The following CHMP4B variants were observed in gnomAD, a reference collection of about 807,000 sequenced individuals.
CHMP4B encodes the protein charged multivesicular body protein 4B, also known as SNF7 homolog associated with Alix 1.
Under a neutral mutation model 25.1 loss-of-function variants are expected in CHMP4B, and 1 was observed. That is an observed-to-expected ratio of 0.04 (90% CI 0.01 to 0.19). CHMP4B has a LOEUF of 0.19. CHMP4B is among the 10% of genes least tolerant of loss of function. The pLI is 1.00. For missense variants in CHMP4B, 151 were observed against 289.7 expected (o/e 0.52, Z 3.48); for synonymous variants, 101 against 115.6 (o/e 0.87, Z 0.81).
chr20:33,823,079 C>G (rs183678164), intron 1 of CHMP4B, among the ~76,000 whole-genome samples: 1 of 151,936 alleles, frequency 6.6e-6, no homozygotes, highest in African/African-American at 2.4e-5. Context: ...TGAGCCACCG[C>G]GCCCGGCCCA....
At chr20:33,851,535 G>A (rs1345301628) in intron 3 of CHMP4B, among the ~76,000 whole-genome samples, 1 of 152,004 alleles carries the variant, frequency 6.6e-6, no homozygotes, top group Non-Finnish European at 1.5e-5. Flanking sequence ...AGTCTCTTAG[G>A]TTTTTAAAGT....
chr20:33,827,935 G>A (rs937572017), intron 1 of CHMP4B, among the ~76,000 whole-genome samples: 10 of 152,184 alleles, frequency 6.6e-5, no homozygotes, highest in African/African-American at 1.7e-4. Context: ...TTAGGATGGC[G>A]ATCGAAGAGA....
chr20:33,831,630 TC>T (rs1325623478), intron 1 of CHMP4B, among the ~76,000 whole-genome samples: 1 of 152,184 alleles, frequency 6.6e-6, no homozygotes, highest in Non-Finnish European at 1.5e-5. Context: ...TGCTTTGGCC[TC>T]CCAAGGTGCT....
chr20:33,846,757 G>A (rs1979700560), intron 1 of CHMP4B, among the ~76,000 whole-genome samples: 1 of 152,170 alleles, frequency 6.6e-6, no homozygotes, highest in South Asian at 2.1e-4. Context: ...GCAGGAGATG[G>A]CTGTGGTCCA....
At chr20:33,827,846 T>C (rs1979136250) in intron 1 of CHMP4B, among the ~76,000 whole-genome samples, 1 of 152,224 alleles carries the variant, frequency 6.6e-6, no homozygotes, top group Admixed American at 6.5e-5. Context: ...GGGATTTGTC[T>C]CCTGTGTGAG....
chr20:33,822,364 C>T (rs1167898158), intron 1 of CHMP4B, among the ~76,000 whole-genome samples: 2 of 152,132 alleles, frequency 1.3e-5, no homozygotes, highest in African/African-American at 2.4e-5. Flanking sequence ...AGGCTGGTCT[C>T]GAACTCCTGA....
intron 1 of CHMP4B, among the ~76,000 whole-genome samples, chr20:33,819,349 C>T (rs1668931399): frequency 1.3e-5 from 2 of 152,208 alleles, no homozygotes; most frequent in South Asian, 2.1e-4. Flanking sequence ...TGCTCTTTAG[C>T]CCTGATACTT....
chr20:33,853,344 C>T (rs1304101576), intron 4 of CHMP4B, 152 bp from the exon 5 acceptor site: 7 of 742,398 alleles, frequency 9.4e-6, no homozygotes, highest in Non-Finnish European at 1.7e-5. Context: ...CTTTTAGGCA[C>T]CAAGGAGCAG....
intron 1 of CHMP4B, among the ~76,000 whole-genome samples, chr20:33,824,843 G>A (rs988243806): frequency 6.6e-6 from 1 of 150,584 alleles, no homozygotes; most frequent in Non-Finnish European, 1.5e-5. Context: ...CCAAAAGGGT[G>A]GGGGGAGGGT....
chr20:33,837,642 A>G (rs940332373), intron 1 of CHMP4B, among the ~76,000 whole-genome samples: 1 of 152,188 alleles, frequency 6.6e-6, no homozygotes, highest in Non-Finnish European at 1.5e-5. Flanking sequence ...TGTGGCTCAC[A>G]TTGGATCTGA....
At chr20:33,831,533 C>T (rs1354463523) in intron 1 of CHMP4B, among the ~76,000 whole-genome samples, 1 of 152,032 alleles carries the variant, frequency 6.6e-6, no homozygotes, top group Non-Finnish European at 1.5e-5. Context: ...CCTGGCTGCC[C>T]AGCTAAGTTT....
intron 1 of CHMP4B, among the ~76,000 whole-genome samples, chr20:33,845,314 G>A (rs1979657496): frequency 6.6e-6 from 1 of 151,900 alleles, no homozygotes; most frequent in South Asian, 2.1e-4. Flanking sequence ...GGAAGGCCTT[G>A]GTGAATCTTT....
Position 33,824,285 on chromosome 20 carries a change from C to T in CHMP4B, c.190+12627C>T, listed in dbSNP as rs539025821. Among the ~76,000 whole-genome samples the T allele has an allele frequency of 1.4e-4, 21 of 152,292 alleles. No homozygotes were observed. In the South Asian group the frequency reaches 4.4e-3, roughly 32 times the overall value. Reference sequence around the variant, plus strand: ...AGGCAGAGTCAAGGCTAGAGCCCTTCTTGAGGCTCCAAGTCTAGTGCGTTT... The same window carrying T: ...AGGCAGAGTCAAGGCTAGAGCCCTTTTTGAGGCTCCAAGTCTAGTGCGTTT... On this transcript the variant is annotated intron_variant, in intron 1 of 4. Transcript: ENST00000217402.
At chr20:33,814,708 G>A (rs2122779557) in intron 1 of CHMP4B, among the ~76,000 whole-genome samples, 1 of 152,332 alleles carries the variant, frequency 6.6e-6, no homozygotes, top group Admixed American at 6.5e-5. Context: ...AGGCCGAAGT[G>A]CAGTGGTGCA....
Position 33,840,257 on chromosome 20 carries a change from AG to A in CHMP4B, c.191-8202del, listed in dbSNP as rs538135863. 2.9e-3 allele frequency among the ~76,000 whole-genome samples: 430 copies of A among 148,854 alleles called. 1 individual carries two copies. Among genetic ancestry groups the A allele is most frequent in the Middle Eastern group, 6.9e-3 (2 of 290 alleles). On this transcript the variant is annotated intron_variant, in intron 1 of 4. Transcript: ENST00000217402. The stretch of plus-strand genomic sequence containing the variant: ...TAAGACTCCATCTCAAAAAAAAAAA[AG>A]GGGGGGGACAGGACAGGGACAAGAA...
At chr20:33,821,801 T>C (rs1196684586) in intron 1 of CHMP4B, among the ~76,000 whole-genome samples, 1 of 152,024 alleles carries the variant, frequency 6.6e-6, no homozygotes, top group Non-Finnish European at 1.5e-5. Flanking sequence ...ATTATTGCTA[T>C]TTTCTTTCTT....
chr20:33,816,901 C>T (rs149768163), intron 1 of CHMP4B, among the ~76,000 whole-genome samples: 2 of 152,320 alleles, frequency 1.3e-5, no homozygotes, highest in African/African-American at 4.8e-5. Context: ...CTGATGGATG[C>T]ATAGAGGCCA....
At chr20:33,840,334 C>G (rs978360566) in intron 1 of CHMP4B, among the ~76,000 whole-genome samples, 2 of 151,442 alleles carry the variant, frequency 1.3e-5, no homozygotes, top group African/African-American at 4.9e-5. Context: ...GAAAGAGAGG[C>G]GGGGGGGAAA....
intron 1 of CHMP4B, among the ~76,000 whole-genome samples, chr20:33,816,665 T>C (rs1978790388): frequency 2.0e-5 from 3 of 152,238 alleles, no homozygotes; most frequent in Admixed American, 6.5e-5. Flanking sequence ...TAAGTCTTGG[T>C]AACTAGCTAA....
Sources: gnomAD v4.1 joint callset for allele counts (sites outside exome capture counted in the v4.1 genomes callset) on GRCh38, gnomAD v4.1.1 for gene constraint, MANE v1.5 for transcripts, NCBI Gene and HGNC (gene_info 2026-07-23, HGNC 2026-07-21) for gene names.